The following PDZRN4 variants were observed in gnomAD, a reference collection of about 807,000 sequenced individuals.
PDZRN4 encodes PDZ domain containing ring finger 4, also known as PDZ domain-containing RING finger protein 4.
A neutral mutation model predicts 99.0 loss-of-function variants in PDZRN4; 70 were observed. The observed-to-expected ratio is 0.71, with a 90% CI of 0.58 to 0.86. The LOEUF (loss-of-function observed/expected upper bound fraction) is 0.86. Among genes scored for constraint, PDZRN4 ranks in the 40% least tolerant of loss-of-function variants. The pLI is 0.00. For synonymous variants in PDZRN4, 551 were observed against 501.6 expected (o/e 1.10, Z -1.32); for missense variants, 1,474 against 1,331.2 (o/e 1.11, Z -1.67).
At chr12:41,264,492 C>G (rs1423239493) in intron 3 of PDZRN4, among the ~76,000 whole-genome samples, 1 of 152,006 alleles carries the variant, frequency 6.6e-6, no homozygotes, top group African/African-American at 2.4e-5. Flanking sequence ...TGCTCTGAAG[C>G]TGAGAAAATA....
intron 3 of PDZRN4, among the ~76,000 whole-genome samples, chr12:41,208,077 T>A (rs1950863284): frequency 6.6e-6 from 1 of 151,898 alleles, no homozygotes; most frequent in African/African-American, 2.4e-5. Context: ...CAGATAGTCA[T>A]CCTTAGTTCT....
At chr12:41,221,856 G>C (rs1950958159) in intron 3 of PDZRN4, among the ~76,000 whole-genome samples, 1 of 152,138 alleles carries the variant, frequency 6.6e-6, no homozygotes, top group South Asian at 2.1e-4. Context: ...ACAACTGACA[G>C]CTTTTAAAGA....
At chr12:41,525,475 C>G (rs975079001) in intron 5 of PDZRN4, among the ~76,000 whole-genome samples, 1 of 151,882 alleles carries the variant, frequency 6.6e-6, no homozygotes. Flanking sequence ...TCATGGCTGA[C>G]ACATATGTGA....
At chr12:41,457,700 G>C (rs1952828226) in intron 3 of PDZRN4, among the ~76,000 whole-genome samples, 1 of 152,182 alleles carries the variant, frequency 6.6e-6, no homozygotes, top group South Asian at 2.1e-4. Flanking sequence ...TTAAAATAAA[G>C]TAATTTAATT....
At chr12:41,290,196 T>A (rs1318063114) in intron 3 of PDZRN4, among the ~76,000 whole-genome samples, 1 of 152,214 alleles carries the variant, frequency 6.6e-6, no homozygotes, top group Non-Finnish European at 1.5e-5. Flanking sequence ...AGTACTGTGG[T>A]TGGCTAACAT....
At chr12:41,399,284 C>T (rs946537858) in intron 3 of PDZRN4, among the ~76,000 whole-genome samples, 2 of 152,002 alleles carry the variant, frequency 1.3e-5, no homozygotes, top group Non-Finnish European at 2.9e-5. Context: ...TATATAAACA[C>T]ATATGAAAGC....
At chr12:41,448,734 C>T (rs757176656) in intron 3 of PDZRN4, among the ~76,000 whole-genome samples, 2 of 152,008 alleles carry the variant, frequency 1.3e-5, no homozygotes, top group Non-Finnish European at 2.9e-5. Context: ...TCGAAAATGC[C>T]ACCTATTTTA....
intron 3 of PDZRN4, among the ~76,000 whole-genome samples, chr12:41,322,549 G>A (rs1430381837): frequency 8.4e-6 from 1 of 119,078 alleles, no homozygotes; most frequent in Non-Finnish European, 1.6e-5. Flanking sequence ...GGAGTTCAGT[G>A]GCAGGATCTC....
chr12:41,203,994 A>G (rs992621263), intron 3 of PDZRN4, among the ~76,000 whole-genome samples: 2 of 152,008 alleles, frequency 1.3e-5, no homozygotes, highest in African/African-American at 4.8e-5. Context: ...TTGAGATGGG[A>G]TGCTAATGGT....
intron 3 of PDZRN4, among the ~76,000 whole-genome samples, chr12:41,481,436 T>A (rs1229399292): frequency 6.6e-6 from 1 of 152,162 alleles, no homozygotes. Flanking sequence ...GCTTATTAAC[T>A]TGGCATTTAA....
chr12:41,499,954 T>C (rs777610176), intron 3 of PDZRN4, among the ~76,000 whole-genome samples: 2 of 151,964 alleles, frequency 1.3e-5, no homozygotes, highest in Admixed American at 1.3e-4. Flanking sequence ...TCAATTATCT[T>C]AGGTTGCAAA....
In PDZRN4 at chr12:41,346,555, T is replaced by C. The variant is rs60404469; in HGVS notation, c.843+152367T>C. On this transcript the variant is annotated intron_variant, in intron 3 of 9. Transcript: ENST00000402685. Reference sequence around the variant, plus strand: ...CTATAATATTAGACATCCTTGAAGGTTCCTTTAAGCATTATTTTTTAGTGC... The same window carrying C: ...CTATAATATTAGACATCCTTGAAGGCTCCTTTAAGCATTATTTTTTAGTGC... Among the ~76,000 whole-genome samples, 12 of 152,224 alleles carry C rather than the reference T, an allele frequency of 7.9e-5. No individual in the cohort carries two copies. In the East Asian group the frequency reaches 1.7e-3, roughly 22 times the overall value.
At chr12:41,243,808 A>G (rs1805798073) in intron 3 of PDZRN4, among the ~76,000 whole-genome samples, 1 of 152,226 alleles carries the variant, frequency 6.6e-6, no homozygotes, top group Non-Finnish European at 1.5e-5. Flanking sequence ...TAGATGTAAT[A>G]TAGGACTTTA....
At position 41,572,636 on chromosome 12, in the gene PDZRN4, C is replaced by T. The variant is rs151221740; in HGVS notation, c.1857C>T (p.Asn619=). Residue 619 remains asparagine (N), a synonymous_variant, in exon 10 of 10, where the codon AAC becomes AAT. Transcript: ENST00000402685. ...ACATTGACTCAGACTGCATTGGCAA[C>T]CCAGATGAGGACTGTGAAAGATTCA... The part of the protein sequence containing the change: ...GEYIDSDCIG[N]PDEDCERFRQ... 6.2e-7 allele frequency: 1 copy of T among 1,614,118 alleles called. No individual in the cohort carries two copies. Among genetic ancestry groups the T allele is most frequent in the East Asian group, 2.2e-5 (1 of 44,872 alleles).
At chr12:41,409,581 A>T (rs1011391349) in intron 3 of PDZRN4, 1 of 152,216 alleles carries the variant, frequency 6.6e-6, no homozygotes, top group Non-Finnish European at 1.5e-5. Context: ...GAAGATTCAG[A>T]AATACCAACG....
At chr12:41,493,755 T>G (rs1937934932) in intron 3 of PDZRN4, among the ~76,000 whole-genome samples, 1 of 152,144 alleles carries the variant, frequency 6.6e-6, no homozygotes, top group East Asian at 1.9e-4. Flanking sequence ...CACTTGGAAC[T>G]TTGTCCTATC....
intron 3 of PDZRN4, among the ~76,000 whole-genome samples, chr12:41,503,493 A>G (rs925882745): frequency 2.0e-5 from 3 of 152,212 alleles, no homozygotes; most frequent in African/African-American, 7.2e-5. Flanking sequence ...TAATGATTTC[A>G]CAGCCTCAAA....
In PDZRN4 at chr12:41,399,978, G is replaced by A. The variant is rs60954648; in HGVS notation, c.844-106478G>A. ...GCTGGGGGGATGGGGAAGAGAGAGA[G>A]AACGTTATGGCCCTCTGTACCGGCT... On this transcript the variant is annotated intron_variant, in intron 3 of 9. Transcript: ENST00000402685. Among the ~76,000 whole-genome samples the A allele has an allele frequency of 4.0e-3, 610 of 152,186 alleles. 2 individuals are homozygous for A. Among genetic ancestry groups the A allele is most frequent in the African/African-American group, 0.014 (582 of 41,528 alleles).
In PDZRN4 at chr12:41,214,430, TAAAA is replaced by T. The variant is rs536246838; in HGVS notation, c.843+20259_843+20262del. ...GGCAATAGAAGGAGACCCTGTCCCC[TAAAA>T]AAAAAAAAAAAAAAAAGTTATCTAT... On this transcript the variant is annotated intron_variant, in intron 3 of 9. Transcript: ENST00000402685. Among the ~76,000 whole-genome samples, 87 of 34,086 alleles carry T rather than the reference TAAAA, an allele frequency of 2.6e-3. 7 individuals carry two copies. Among genetic ancestry groups the T allele is most frequent in the African/African-American group, 6.0e-3 (73 of 12,074 alleles). The allele number at this position is 34,086 out of a possible 152,430, so 22.4% of individuals were successfully genotyped here.
Sources: allele counts gnomAD v4.1 joint callset (sites outside exome capture counted in the v4.1 genomes callset), GRCh38; gene constraint gnomAD v4.1.1; transcripts MANE v1.5; gene names NCBI Gene and HGNC (gene_info 2026-07-23, HGNC 2026-07-21).